Variants in VEPH1 observed in about 807,000 individuals in gnomAD.
VEPH1 encodes ventricular zone-expressed PH domain-containing protein homolog 1.
Under a neutral mutation model 85.2 loss-of-function variants are expected in VEPH1, and 80 were observed. The ratio of observed to expected loss-of-function variants is 0.94; its 90% CI spans 0.78 to 1.13. VEPH1 has a LOEUF of 1.13. Among genes scored for constraint, VEPH1 ranks in the 50% most tolerant of loss-of-function variants. The probability of loss-of-function intolerance (pLI) is 0.00; values close to 1 mark genes in which losing one functional copy is unlikely to be tolerated. For synonymous variants in VEPH1, 297 were observed against 348.0 expected (o/e 0.85, Z 1.63); for missense variants, 955 against 980.5 (o/e 0.97, Z 0.35).
intron 4 of VEPH1, chr3:157,442,815 G>T (rs764407164): frequency 9.9e-6 from 16 of 1,614,098 alleles, no homozygotes; most frequent in Non-Finnish European, 3.4e-6. Flanking sequence ...TGAAACATTA[G>T]CCTTCTCTGG....
Position 157,317,183 on chromosome 3 carries a change from AC to A in VEPH1, c.1753del (p.Val585Ter). 6.2e-7 allele frequency: 1 copy of A among 1,611,848 alleles called. No individual in the cohort carries two copies. Among genetic ancestry groups the A allele is most frequent in the Non-Finnish European group, 8.5e-7 (1 of 1,179,008 alleles). On this transcript the variant is annotated frameshift_variant, in exon 10 of 14. Coordinates refer to ENST00000362010, the MANE Select transcript of VEPH1 (RefSeq NM_001167912.2). LOFTEE classifies it high-confidence loss of function. Reference sequence around the variant, plus strand: ...GGAGCAGGTGAAGAACAACTTTGCTACACAACTTCTCACAGTGTCTAGAAAC... The same window carrying A: ...GGAGCAGGTGAAGAACAACTTTGCTAACAACTTCTCACAGTGTCTAGAAAC... ...CTIEDTVRSC[V>X]AKLFFTCSLK...
At chr3:157,402,987 C>A (rs1301181761) in intron 6 of VEPH1, among the ~76,000 whole-genome samples, 1 of 152,128 alleles carries the variant, frequency 6.6e-6, no homozygotes, top group Non-Finnish European at 1.5e-5. Context: ...TACCAAGTTC[C>A]TAAGCCCTAC....
chr3:157,280,393 G>GC (rs1259847031), intron 12 of VEPH1, among the ~76,000 whole-genome samples: 1 of 152,074 alleles, frequency 6.6e-6, no homozygotes, highest in Non-Finnish European at 1.5e-5. Context: ...ATGCTTTGTT[G>GC]CAAGTATATG....
intron 1 of VEPH1, among the ~76,000 whole-genome samples, chr3:157,496,624 A>T (rs979118481): frequency 1.3e-5 from 2 of 152,032 alleles, no homozygotes; most frequent in African/African-American, 4.8e-5. Context: ...TGCCAGAAAG[A>T]GTGTGAAAAG....
At chr3:157,342,549 T>G (rs1331043696) in intron 9 of VEPH1, among the ~76,000 whole-genome samples, 2 of 152,100 alleles carry the variant, frequency 1.3e-5, no homozygotes, top group African/African-American at 4.8e-5. Flanking sequence ...GACCTACAAA[T>G]AGACTTAGAC....
chr3:157,357,067 G>A (rs1238570560), intron 9 of VEPH1, among the ~76,000 whole-genome samples: 1 of 152,084 alleles, frequency 6.6e-6, no homozygotes, highest in East Asian at 1.9e-4. Context: ...TTAAAAATAT[G>A]AAATATGCCA....
At chr3:157,463,087 C>A (rs1736029515) in intron 3 of VEPH1, among the ~76,000 whole-genome samples, 1 of 152,138 alleles carries the variant, frequency 6.6e-6, no homozygotes, top group East Asian at 1.9e-4. Context: ...ATCATTTGAG[C>A]CCAATGCCTT....
chr3:157,291,957 C>A (rs1482575365), intron 11 of VEPH1, among the ~76,000 whole-genome samples: 1 of 152,140 alleles, frequency 6.6e-6, no homozygotes, highest in African/African-American at 2.4e-5. Flanking sequence ...ATATCTATCT[C>A]TATATATCTG....
intron 4 of VEPH1, among the ~76,000 whole-genome samples, chr3:157,452,839 TG>T (rs2109315350): frequency 6.6e-6 from 1 of 152,322 alleles, no homozygotes; most frequent in Non-Finnish European, 1.5e-5. Flanking sequence ...TGGACATTTG[TG>T]TTCTTTCATT....
chr3:157,320,778 T>C, intron 9 of VEPH1, among the ~76,000 whole-genome samples: 1 of 152,176 alleles, frequency 6.6e-6, no homozygotes, highest in Non-Finnish European at 1.5e-5. Flanking sequence ...ATTACACAGA[T>C]AAATAAATTT....
intron 9 of VEPH1, among the ~76,000 whole-genome samples, chr3:157,325,463 A>G (rs1721797787): frequency 1.3e-5 from 2 of 151,668 alleles, no homozygotes; most frequent in African/African-American, 4.9e-5. Flanking sequence ...TCGGGTTTTG[A>G]TAGTTTTGGG....
At chr3:157,301,586 T>C (rs1718818695) in intron 11 of VEPH1, among the ~76,000 whole-genome samples, 1 of 152,196 alleles carries the variant, frequency 6.6e-6, no homozygotes, top group Admixed American at 6.5e-5. Flanking sequence ...CCTACTTCTG[T>C]TCGTACCTTG....
intron 4 of VEPH1, among the ~76,000 whole-genome samples, chr3:157,431,559 A>G (rs1381925812): frequency 6.6e-6 from 1 of 152,006 alleles, no homozygotes; most frequent in African/African-American, 2.4e-5. Context: ...TATCTTATTT[A>G]GCAACCTTAA....
intron 2 of VEPH1, among the ~76,000 whole-genome samples, chr3:157,489,716 T>TTTTTTTTGTCTTTTTTGATTACCCTTC: frequency 6.6e-6 from 1 of 151,998 alleles, no homozygotes. Flanking sequence ...AGAGGGCTTT[T>TTTTTTTTGTCTTTTTTGATTACCCTTC]TTTTTTTGTC....
At position 157,313,501 on chromosome 3, in the gene VEPH1, TA is replaced by T; in HGVS notation, c.2010+119del. On this transcript the variant is annotated intron_variant, in intron 11 of 13. Coordinates refer to ENST00000362010, the MANE Select transcript of VEPH1 (RefSeq NM_001167912.2). ...ATAATTTCTTACAAGTGTTTTATGA[TA>T]ATAATAAAAGAAAGGTAAACGAAAG... 2.5e-6 allele frequency: 3 copies of T among 1,185,648 alleles called. No individual in the cohort carries two copies. The South Asian group carries it at 4.8e-5, about 19-fold the overall frequency. 73.4% of individuals were successfully genotyped at this position (1,185,648 alleles called of 1,614,324 possible).
In VEPH1 at chr3:157,352,466, C is replaced by G. The variant is rs140965780; in HGVS notation, c.1735+10898G>C. Among the ~76,000 whole-genome samples the G allele has an allele frequency of 4.0e-3, 602 of 152,294 alleles. 5 individuals are homozygous for G. Among genetic ancestry groups the G allele is most frequent in the Middle Eastern group, 0.031 (9 of 294 alleles). ...AGACACAATGCATTAATTTGCTGAT[C>G]ATGGTTGGTTATGTGCTGTTTGATA... On this transcript the variant is annotated intron_variant, in intron 9 of 13. Coordinates refer to ENST00000362010, the MANE Select transcript of VEPH1 (RefSeq NM_001167912.2).
intron 7 of VEPH1, among the ~76,000 whole-genome samples, chr3:157,369,203 A>AAAAAAAAAAAAAC (rs1432731941): frequency 6.7e-6 from 1 of 148,962 alleles, no homozygotes; most frequent in East Asian, 1.9e-4. Context: ...AAAAAAAAAA[A>AAAAAAAAAAAAAC]ACCTCCTGAG....
In VEPH1 at chr3:157,364,321, T is replaced by G. The variant is rs1421747007; in HGVS notation, c.1319A>C (p.Lys440Thr). The change falls in exon 8 of 14, where the codon AAA becomes ACA. Residue 440 changes from lysine to threonine, a missense_variant. Coordinates refer to ENST00000362010, the MANE Select transcript of VEPH1 (RefSeq NM_001167912.2). ...SLGQVSKEER[K>T]NIRFNRSKSL... is the part of the protein sequence containing the mutation. ...GTTATACCTGTTAAATCTAATGTTT[T>G]TTCTTTCTTCTTTAGAAACTTGGCC... The G allele has an allele frequency of 1.9e-6, 3 of 1,612,252 alleles. No homozygotes were observed. The highest frequency in any genetic ancestry group is 2.5e-6 in the Non-Finnish European group (3 of 1,179,288).
chr3:157,461,348 TCA>T (rs1281435735), intron 3 of VEPH1, among the ~76,000 whole-genome samples: 9 of 152,122 alleles, frequency 5.9e-5, no homozygotes, highest in Admixed American at 5.9e-4. Context: ...ACCCCACCTC[TCA>T]GACTAACTGT....
Sources: gnomAD v4.1 joint callset for allele counts (sites outside exome capture counted in the v4.1 genomes callset) on GRCh38, gnomAD v4.1.1 for gene constraint, MANE v1.5 for transcripts, NCBI Gene and HGNC (gene_info 2026-07-23, HGNC 2026-07-21) for gene names.